Variants in MACROD2 observed in about 807,000 individuals in gnomAD.
The protein encoded by MACROD2 is ADP-ribose glycohydrolase MACROD2.
MACROD2 carries 36 observed loss-of-function variants against 70.4 expected under a neutral mutation model. That is an observed-to-expected ratio of 0.51 (90% CI 0.39 to 0.68). The LOEUF (loss-of-function observed/expected upper bound fraction) is 0.68, where lower values mean the gene tolerates loss of function less well. Ranked by LOEUF, MACROD2 falls within the 30% of genes least tolerant of loss-of-function variation. MACROD2 has a pLI of 0.00. For missense variants in MACROD2, 496 were observed against 538.4 expected, an observed-to-expected ratio of 0.92 and a Z score of 0.78; for synonymous variants, 172 against 178.8, an observed-to-expected ratio of 0.96 and a Z score of 0.30.
intron 3 of MACROD2, among the ~76,000 whole-genome samples, chr20:14,338,192 A>G (rs891007582): frequency 3.9e-5 from 6 of 152,184 alleles, no homozygotes; most frequent in African/African-American, 1.4e-4. Context: ...ACCTGAGGTC[A>G]GGAGTTCGAG....
At chr20:15,482,144 C>T (rs2047106430) in intron 7 of MACROD2, among the ~76,000 whole-genome samples, 1 of 152,172 alleles carries the variant, frequency 6.6e-6, no homozygotes, top group Admixed American at 6.5e-5. Flanking sequence ...TGTTCCATCC[C>T]AGGCTTTCTC....
chr20:15,889,924 G>A (rs1182627310), intron 10 of MACROD2, among the ~76,000 whole-genome samples: 2 of 152,142 alleles, frequency 1.3e-5, no homozygotes, highest in African/African-American at 2.4e-5. Flanking sequence ...TGCTTTTGAA[G>A]AGAAGCAGAA....
intron 4 of MACROD2, among the ~76,000 whole-genome samples, chr20:14,597,058 G>A (rs1214562911): frequency 6.6e-6 from 1 of 152,044 alleles, no homozygotes; most frequent in East Asian, 1.9e-4. Context: ...AATATCATTT[G>A]CAAATAATTT....
At chr20:15,932,308 T>G (rs1308017744) in intron 10 of MACROD2, among the ~76,000 whole-genome samples, 1 of 152,114 alleles carries the variant, frequency 6.6e-6, no homozygotes, top group Non-Finnish European at 1.5e-5. Context: ...GGCTGCCAGG[T>G]CTTGCAGGGT....
intron 8 of MACROD2, among the ~76,000 whole-genome samples, chr20:15,761,618 C>T (rs1219924881): frequency 3.9e-5 from 6 of 152,168 alleles, no homozygotes; most frequent in Non-Finnish European, 8.8e-5. Flanking sequence ...TTAAGCATGT[C>T]ACTGAACATG....
At chr20:15,613,800 A>T (rs548785479) in intron 8 of MACROD2, among the ~76,000 whole-genome samples, 1 of 152,272 alleles carries the variant, frequency 6.6e-6, no homozygotes, top group South Asian at 2.1e-4. Flanking sequence ...TGTTGAAAAG[A>T]ATGTAGGAGG....
At chr20:14,697,762 C>T (rs2071143977) in intron 5 of MACROD2, among the ~76,000 whole-genome samples, 1 of 151,942 alleles carries the variant, frequency 6.6e-6, no homozygotes, top group African/African-American at 2.4e-5. Context: ...TATCACTGTT[C>T]TTGAGGATGT....
intron 8 of MACROD2, among the ~76,000 whole-genome samples, chr20:15,861,591 C>T (rs1036388884): frequency 6.6e-6 from 1 of 152,146 alleles, no homozygotes; most frequent in African/African-American, 2.4e-5. Context: ...GAGTGATTTT[C>T]CAAGAGGCAG....
At position 15,165,315 on chromosome 20, in the gene MACROD2, G is replaced by T. The variant is rs145643902; in HGVS notation, c.419-64625G>T. Among the ~76,000 whole-genome samples, 126 of 152,258 alleles carry T rather than the reference G, an allele frequency of 8.3e-4. 1 individual carries two copies. Among genetic ancestry groups the T allele is most frequent in the African/African-American group, 2.6e-3 (107 of 41,548 alleles). ...TACTAAAAATACAAAAATTAGCCAG[G>T]TGTTGTGGTGTGCAGTTGTAATCCC... On this transcript the variant is annotated intron_variant, in intron 5 of 17. Coordinates refer to ENST00000684519, the MANE Select transcript of MACROD2 (RefSeq NM_001351661.2).
chr20:15,764,846 T>G (rs2051495837), intron 8 of MACROD2, among the ~76,000 whole-genome samples: 1 of 152,188 alleles, frequency 6.6e-6, no homozygotes, highest in Non-Finnish European at 1.5e-5. Flanking sequence ...AAATTTCTCA[T>G]CTCAGCCTAC....
intron 10 of MACROD2, among the ~76,000 whole-genome samples, chr20:15,921,967 G>A (rs1251743011): frequency 6.6e-6 from 1 of 152,232 alleles, no homozygotes; most frequent in African/African-American, 2.4e-5. Flanking sequence ...TGCCAGGGTA[G>A]GGGTATTTGT....
intron 5 of MACROD2, among the ~76,000 whole-genome samples, chr20:15,081,678 G>T (rs777242173): frequency 1.3e-5 from 2 of 152,134 alleles, no homozygotes; most frequent in Admixed American, 1.3e-4. Context: ...ACCAAGAGGG[G>T]TGAGTAGAGA....
At chr20:15,764,476 C>T (rs1255508622) in intron 8 of MACROD2, among the ~76,000 whole-genome samples, 1 of 152,166 alleles carries the variant, frequency 6.6e-6, no homozygotes, top group African/African-American at 2.4e-5. Context: ...TTTTGCCCAG[C>T]CTTTCCCGCC....
At chr20:15,934,171 A>C (rs1673943659) in intron 11 of MACROD2, among the ~76,000 whole-genome samples, 1 of 152,144 alleles carries the variant, frequency 6.6e-6, no homozygotes, top group South Asian at 2.1e-4. Context: ...AGCCCCATGG[A>C]GGGGCACTTC....
At chr20:14,978,165 A>G (rs2074759471) in intron 5 of MACROD2, among the ~76,000 whole-genome samples, 2 of 152,132 alleles carry the variant, frequency 1.3e-5, no homozygotes, top group African/African-American at 4.8e-5. Context: ...CATAAGATCA[A>G]CTGTTTAAGT....
intron 3 of MACROD2, chr20:14,325,932 G>T: frequency 3.1e-6 from 5 of 1,613,932 alleles, no homozygotes; most frequent in Non-Finnish European, 4.2e-6. Context: ...AAGGTAAATT[G>T]GGGTTTTTGT....
intron 5 of MACROD2, among the ~76,000 whole-genome samples, chr20:15,072,447 G>C (rs754994019): frequency 2.6e-5 from 4 of 152,042 alleles, no homozygotes; most frequent in Admixed American, 1.3e-4. Flanking sequence ...TTAACCTTTG[G>C]GTGAACCAAA....
intron 5 of MACROD2, among the ~76,000 whole-genome samples, chr20:15,111,585 G>T (rs1328423219): frequency 6.6e-6 from 1 of 152,186 alleles, no homozygotes; most frequent in Non-Finnish European, 1.5e-5. Context: ...TGGAATATTA[G>T]AATATTAGAA....
At chr20:14,639,361 A>G (rs1375148799) in intron 4 of MACROD2, among the ~76,000 whole-genome samples, 1 of 148,752 alleles carries the variant, frequency 6.7e-6, no homozygotes, top group Non-Finnish European at 1.5e-5. Flanking sequence ...TTTCAATTTC[A>G]TGTACTCCAA....
Sources: allele counts gnomAD v4.1 joint callset (sites outside exome capture counted in the v4.1 genomes callset), GRCh38; gene constraint gnomAD v4.1.1; transcripts MANE v1.5; gene names NCBI Gene and HGNC (gene_info 2026-07-23, HGNC 2026-07-21).